LRBA: variants seen among roughly 807,000 people sequenced by gnomAD.
LRBA encodes the protein lipopolysaccharide-responsive and beige-like anchor protein.
In LRBA, 176 loss-of-function variants were observed where a neutral mutation model predicts 330.0. The ratio of observed to expected loss-of-function variants is 0.53; its 90% confidence interval spans 0.47 to 0.60. The LOEUF is 0.60. Ranked by LOEUF, LRBA falls within the 20% of genes least tolerant of loss-of-function variation. LRBA has a pLI of 0.00. For missense variants in LRBA, 3,259 were observed against 3,444.8 expected (o/e 0.95, Z 1.35); for synonymous variants, 1,230 against 1,193.0 (o/e 1.03, Z -0.64).
chr4:150,606,691 AAAT>A (rs946076273), intron 37 of LRBA, among the ~76,000 whole-genome samples: 5 of 152,170 alleles, frequency 3.3e-5, no homozygotes, highest in African/African-American at 1.2e-4. Flanking sequence ...CATTGGTAGT[AAAT>A]AATAAGTCTG....
intron 11 of LRBA, 22 bp downstream of exon 11, chr4:150,908,312 A>G (rs370028789): frequency 6.2e-7 from 1 of 1,600,500 alleles, no homozygotes; most frequent in Non-Finnish European, 8.5e-7. Context: ...AGCCAATTAA[A>G]GAAACAAATA....
At chr4:150,455,047 C>T (rs113575317) in intron 44 of LRBA, among the ~76,000 whole-genome samples, 3 of 150,680 alleles carry the variant, frequency 2.0e-5, no homozygotes, top group Non-Finnish European at 4.4e-5. Context: ...CATATGTATA[C>T]ATGTGCCATG....
At chr4:150,443,853 A>AAAAATATATATATATATAT (rs70941406) in intron 44 of LRBA, among the ~76,000 whole-genome samples, 28 of 75,440 alleles carry the variant, frequency 3.7e-4, no homozygotes, top group Middle Eastern at 8.9e-3. Context: ...TAATTAAAAA[A>AAAAATATATATATATATAT]ATATATATAT....
intron 44 of LRBA, among the ~76,000 whole-genome samples, chr4:150,445,966 A>T (rs565887298): frequency 6.6e-6 from 1 of 152,274 alleles, no homozygotes; most frequent in East Asian, 1.9e-4. Context: ...AAATCTTAAT[A>T]CAAAAATTAG....
At chr4:150,560,159 TG>T (rs761164060) in intron 40 of LRBA, among the ~76,000 whole-genome samples, 2 of 150,718 alleles carry the variant, frequency 1.3e-5, no homozygotes, top group South Asian at 4.2e-4. Context: ...TGTGTACAAA[TG>T]GCTCAGAAAA....
chr4:150,650,641 T>C (rs929978251), intron 37 of LRBA, among the ~76,000 whole-genome samples: 4 of 152,138 alleles, frequency 2.6e-5, no homozygotes, highest in Non-Finnish European at 5.9e-5. Flanking sequence ...CCTATAAAAG[T>C]TTCTGGTCAG....
chr4:150,357,471 A>T (rs1738021198), intron 47 of LRBA, among the ~76,000 whole-genome samples: 1 of 152,040 alleles, frequency 6.6e-6, no homozygotes, highest in Non-Finnish European at 1.5e-5. Flanking sequence ...GATTTTTAAA[A>T]AATGTTTAAA....
chr4:150,446,135 G>T (rs11731650), intron 44 of LRBA, among the ~76,000 whole-genome samples: 32,979 of 151,970 alleles, frequency 0.22, 4,401 homozygotes, highest in Non-Finnish European at 0.3. Context: ...TAAAGATTAA[G>T]AGTTAGACTG....
chr4:150,869,589 T>G (rs1487643396), intron 20 of LRBA, among the ~76,000 whole-genome samples: 3 of 152,086 alleles, frequency 2.0e-5, no homozygotes, highest in Non-Finnish European at 4.4e-5. Context: ...CCAGGGAGGC[T>G]GAGGCAGGAG....
chr4:150,365,863 T>C (rs1440931204), intron 47 of LRBA, among the ~76,000 whole-genome samples: 1 of 152,078 alleles, frequency 6.6e-6, no homozygotes, highest in Non-Finnish European at 1.5e-5. Flanking sequence ...ACTATTTGAT[T>C]TCCTTAAATC....
rs145992179 is a variant in LRBA, at chr4:150,859,644, T to C, written c.2767-6701A>G. Among the ~76,000 whole-genome samples, 953 of 152,268 alleles carry C rather than the reference T, an allele frequency of 6.3e-3. 6 individuals are homozygous for C. The highest frequency in any genetic ancestry group is 0.01 in the Non-Finnish European group (697 of 68,020). On this transcript the variant is annotated intron_variant, in intron 22 of 56. Transcript: ENST00000651943. ...GTTCAGCTGCTGGAGGAGAGGCATA[T>C]AGTGACAAACAGCTTCCCTGCTACA... is the stretch of plus-strand genomic sequence containing the variant.
At chr4:150,395,398 A>T (rs1450881210) in intron 47 of LRBA, among the ~76,000 whole-genome samples, 1 of 151,972 alleles carries the variant, frequency 6.6e-6, no homozygotes, top group Admixed American at 6.6e-5. Flanking sequence ...TATGACTCTG[A>T]TATGTCTCTA....
chr4:150,770,546 A>C (rs941162460), intron 34 of LRBA, among the ~76,000 whole-genome samples: 9 of 150,950 alleles, frequency 6.0e-5, no homozygotes, highest in Non-Finnish European at 1.2e-4. Context: ...TGAGGGATTA[A>C]AAGAGGAAAG....
chr4:150,518,240 A>C (rs1336360332), intron 40 of LRBA, among the ~76,000 whole-genome samples: 1 of 152,240 alleles, frequency 6.6e-6, no homozygotes. Flanking sequence ...CTGATAACCT[A>C]AGCAACTAAC....
intron 36 of LRBA, among the ~76,000 whole-genome samples, chr4:150,712,101 A>AT (rs1462482225): frequency 6.6e-6 from 1 of 152,222 alleles, no homozygotes; most frequent in Admixed American, 6.5e-5. Context: ...AAAGAGCAGA[A>AT]CATAAAGTTT....
intron 28 of LRBA, among the ~76,000 whole-genome samples, chr4:150,841,920 TG>T (rs1209650411): frequency 6.6e-6 from 1 of 152,098 alleles, no homozygotes; most frequent in Non-Finnish European, 1.5e-5. Flanking sequence ...CCTCCCAAAG[TG>T]CTGGGATTAC....
rs760112656 is a variant in LRBA, at chr4:150,848,971, G to C, written c.4186C>G (p.Gln1396Glu). 2.4e-5 allele frequency: 39 copies of C among 1,603,498 alleles called. No homozygotes were observed. Among genetic ancestry groups the C allele is most frequent in the Non-Finnish European group, 3.2e-5 (38 of 1,176,656 alleles). Residue 1396 changes from glutamine to glutamate, a missense_variant, in exon 26 of 57, where the codon CAA (glutamine) becomes GAA (glutamate). Coordinates refer to ENST00000651943, the MANE Select transcript of LRBA (RefSeq NM_001364905.1). ...THELENIEPTQGLSIEASVTF... is the reference protein window; with the variant it reads ...THELENIEPTEGLSIEASVTF... ...ACAGAGGCTTCTATTGAAAGGCCTT[G>C]AGTAGGTTCAATATTTTCCAGTTCA...
intron 2 of LRBA, among the ~76,000 whole-genome samples, chr4:150,983,733 G>T (rs922501987): frequency 6.6e-6 from 1 of 151,528 alleles, no homozygotes. Context: ...GGGATTACAG[G>T]TGTGAGCCAC....
At chr4:150,735,710 A>G (rs1274036724) in intron 35 of LRBA, among the ~76,000 whole-genome samples, 3 of 152,214 alleles carry the variant, frequency 2.0e-5, no homozygotes, top group Non-Finnish European at 4.4e-5. Flanking sequence ...CACAAAGGAC[A>G]ATCAGTGTGA....
Sources: allele counts gnomAD v4.1 joint callset (sites outside exome capture counted in the v4.1 genomes callset), GRCh38; gene constraint gnomAD v4.1.1; transcripts MANE v1.5; gene names NCBI Gene and HGNC (gene_info 2026-07-23, HGNC 2026-07-21).